TRIM23: variants seen among roughly 807,000 people sequenced by gnomAD.
The protein encoded by TRIM23 is E3 ubiquitin-protein ligase TRIM23.
A neutral mutation model predicts 71.0 loss-of-function variants in TRIM23; 27 were observed. That is an observed-to-expected ratio of 0.38 (90% CI 0.28 to 0.52). TRIM23 has a LOEUF of 0.52. Among genes scored for constraint, TRIM23 ranks in the 20% least tolerant of loss-of-function variants. The pLI is 0.84. For missense variants in TRIM23, 482 were observed against 692.3 expected, an observed-to-expected ratio of 0.70 and a Z score of 3.41; for synonymous variants, 234 against 238.0, an observed-to-expected ratio of 0.98 and a Z score of 0.16.
chr5:65,613,755 T>C, intron 3 of TRIM23: 5 of 1,223,452 alleles, frequency 4.1e-6, no homozygotes, highest in Non-Finnish European at 5.2e-6. Flanking sequence ...TCATTGAGTT[T>C]TACTGTTGAC....
At chr5:65,592,267 C>T (rs1399693926) in intron 10 of TRIM23, among the ~76,000 whole-genome samples, 1 of 152,020 alleles carries the variant, frequency 6.6e-6, no homozygotes, top group Non-Finnish European at 1.5e-5. Flanking sequence ...ACTCTGTCAC[C>T]CAGACTGGAG....
chr5:65,613,274 C>G (rs1346141199), intron 3 of TRIM23, among the ~76,000 whole-genome samples: 1 of 152,166 alleles, frequency 6.6e-6, no homozygotes, highest in Non-Finnish European at 1.5e-5. Context: ...ACAGAAAGAA[C>G]TGCATAACTT....
Position 65,594,639 on chromosome 5 carries a change from A to G in TRIM23, c.1427T>C (p.Val476Ala), listed in dbSNP as rs1323739464. The part of the protein sequence containing the change: ...KHYYLNTQAV[V>A]FVVDSSHRDR... Reference sequence around the variant, plus strand: ...TCTATGACTGCTATCTACAACAAACACAACAGCTACCCAAAAAAAAATAAA... The same window carrying G: ...TCTATGACTGCTATCTACAACAAACGCAACAGCTACCCAAAAAAAAATAAA... Residue 476 changes from valine (V) to alanine (A), a missense_variant, in exon 10 of 11, where the codon GTG becomes GCG. Around this residue, in one of 2 missense-constraint regions of TRIM23, gnomAD observed 307 missense variants for 495.8 expected, o/e 0.62. Coordinates refer to ENST00000231524, the MANE Select transcript of TRIM23 (RefSeq NM_001656.4). 6.4e-7 allele frequency: 1 copy of G among 1,562,124 alleles called. No homozygotes were observed. The highest frequency in any genetic ancestry group is 1.4e-5 in the African/African-American group (1 of 72,014).
At position 65,591,544 on chromosome 5, in the gene TRIM23, TAA is replaced by T. The variant is rs1561738596; in HGVS notation, c.*223_*224del. The T allele has an allele frequency of 6.8e-7, 1 of 1,469,708 alleles. No homozygotes were observed. Among genetic ancestry groups the T allele is most frequent in the Non-Finnish European group, 9.1e-7 (1 of 1,096,886 alleles). 91.0% of individuals were successfully genotyped at this position (1,469,708 alleles called of 1,614,324 possible). A position where few individuals can be genotyped will look rare whatever the true frequency, so the allele number is the denominator to read the frequency against. ...ACTTTTTAAAAGAATGTATATTCAA[TAA>T]GTTTCTATTTAATTCAATCTAATCT... On this transcript the variant is annotated 3_prime_UTR_variant, in exon 11 of 11. Coordinates refer to ENST00000231524, the MANE Select transcript of TRIM23 (RefSeq NM_001656.4).
chr5:65,597,393 C>G (rs557028909), intron 7 of TRIM23, among the ~76,000 whole-genome samples: 1 of 152,198 alleles, frequency 6.6e-6, no homozygotes, highest in South Asian at 2.1e-4. Flanking sequence ...CTTTGTATAA[C>G]AGAATATACA....
intron 8 of TRIM23, 64 bp from the exon 9 acceptor site, chr5:65,596,595 A>G: frequency 1.0e-6 from 1 of 953,136 alleles, no homozygotes; most frequent in Admixed American, 2.2e-5. Context: ...CATATCAAAC[A>G]CAGACAACCC....
chr5:65,617,996 A>G (rs188176505), intron 2 of TRIM23, 97 bp downstream of exon 2: 1 of 1,300,744 alleles, frequency 7.7e-7, no homozygotes, highest in East Asian at 2.7e-5. Context: ...TGGGAATTTT[A>G]TCATTCTAAA....
In TRIM23 at chr5:65,600,611, G is replaced by A. The variant is rs368853386; in HGVS notation, c.1180-3431C>T. On this transcript the variant is annotated intron_variant, in intron 7 of 10. Transcript: ENST00000231524. ...TTTGAGAGTGACTTCAGGGATACAC[G>A]AAAAGCACAGTAAAAAAAAAAAAAA... is the stretch of plus-strand genomic sequence containing the variant. Among the ~76,000 whole-genome samples the A allele has an allele frequency of 4.2e-3, 402 of 95,722 alleles. 3 individuals are homozygous for A. Among genetic ancestry groups the A allele is most frequent in the African/African-American group, 0.015 (333 of 22,900 alleles). The allele number at this position is 95,722 out of a possible 152,430, so 62.8% of individuals were successfully genotyped here. A position where few individuals can be genotyped will look rare whatever the true frequency, so the allele number is the denominator to read the frequency against.
chr5:65,603,806 T>G (rs1754425126), intron 7 of TRIM23, among the ~76,000 whole-genome samples: 1 of 152,148 alleles, frequency 6.6e-6, no homozygotes, highest in Non-Finnish European at 1.5e-5. Context: ...ATCCCAAGTA[T>G]GAAACTTTGC....
At chr5:65,619,808 A>G (rs1245647814) in intron 1 of TRIM23, among the ~76,000 whole-genome samples, 1 of 152,180 alleles carries the variant, frequency 6.6e-6, no homozygotes, top group Non-Finnish European at 1.5e-5. Context: ...AAAGCTAGGC[A>G]TGGTGGTTCA....
chr5:65,606,207 G>A (rs1754495896), intron 6 of TRIM23, among the ~76,000 whole-genome samples: 1 of 152,290 alleles, frequency 6.6e-6, no homozygotes, highest in Non-Finnish European at 1.5e-5. Flanking sequence ...ACTTTGGGAG[G>A]CCAAGGCAGA....
rs377268697 is a variant in TRIM23, at chr5:65,614,033, T to A, written c.366+65A>T. 339 of 1,587,434 alleles carry A rather than the reference T, an allele frequency of 2.1e-4. 3 individuals are homozygous for A. The South Asian group carries it at 3.8e-3, about 18-fold the overall frequency. On this transcript the variant is annotated intron_variant, in intron 3 of 10. Coordinates refer to ENST00000231524, the MANE Select transcript of TRIM23 (RefSeq NM_001656.4). ...AATAAATGAAGTAATATTGTGCTAA[T>A]AATGGCATCTATTAAAAGAAAAATT...
Position 65,613,871 on chromosome 5 carries a change from GA to G in TRIM23, c.366+226del, listed in dbSNP as rs571911259. ...CTTGGTAGAACTGAATTATGATAAG[GA>G]AAAAAAAGTTCACACATAAAGCATA... On this transcript the variant is annotated intron_variant, in intron 3 of 10. Transcript: ENST00000231524. 7.5e-4 allele frequency: 1,071 copies of G among 1,433,828 alleles called. 6 individuals are homozygous for G. In the African/African-American group the frequency reaches 0.012, roughly 16 times the overall value. 88.8% of individuals were successfully genotyped at this position (1,433,828 alleles called of 1,614,324 possible).
intron 6 of TRIM23, 30 bp downstream of exon 6, chr5:65,609,213 T>C (rs1434495135): frequency 6.2e-7 from 1 of 1,608,472 alleles, no homozygotes; most frequent in East Asian, 2.2e-5. Flanking sequence ...AACTTACAAC[T>C]AAGTCCCTAA....
chr5:65,609,751 C>T (rs1438015160), intron 5 of TRIM23, among the ~76,000 whole-genome samples: 1 of 152,104 alleles, frequency 6.6e-6, no homozygotes, highest in South Asian at 2.1e-4. Context: ...TATTAAATTC[C>T]AAAATATAAA....
At chr5:65,598,309 C>T (rs992059366) in intron 7 of TRIM23, among the ~76,000 whole-genome samples, 5 of 152,200 alleles carry the variant, frequency 3.3e-5, no homozygotes, top group African/African-American at 1.2e-4. Flanking sequence ...GCACCCAGGC[C>T]ATAAAACCAA....
At chr5:65,595,504 G>A (rs1472071150) in intron 9 of TRIM23, among the ~76,000 whole-genome samples, 1 of 147,380 alleles carries the variant, frequency 6.8e-6, no homozygotes, top group Non-Finnish European at 1.5e-5. Flanking sequence ...CTTGCAGTGA[G>A]CCGAGATCGC....
chr5:65,614,976 C>T (rs1754744302), intron 2 of TRIM23, among the ~76,000 whole-genome samples: 1 of 152,058 alleles, frequency 6.6e-6, no homozygotes, highest in Non-Finnish European at 1.5e-5. Flanking sequence ...CTGCTCATTG[C>T]AATCTCCACC....
chr5:65,609,182 C>T, intron 6 of TRIM23, 61 bp downstream of exon 6: 1 of 1,527,184 alleles, frequency 6.5e-7, no homozygotes, highest in Non-Finnish European at 9.1e-7. Context: ...CTAATGTATA[C>T]CTCTGGTAAT....
Sources: gnomAD v4.1 joint callset for allele counts (sites outside exome capture counted in the v4.1 genomes callset) on GRCh38, gnomAD v4.1.1 for gene constraint, gnomAD v4.1.1 regional missense constraint, MANE v1.5 for transcripts, NCBI Gene and HGNC (gene_info 2026-07-23, HGNC 2026-07-21) for gene names.